ADAMTS18: variants seen among roughly 807,000 people sequenced by gnomAD.
ADAMTS18 encodes the protein ADAM metallopeptidase with thrombospondin type 1 motif 18.
In ADAMTS18, 157 loss-of-function variants were observed where a neutral mutation model predicts 165.9. The observed-to-expected ratio is 0.95, with a 90% CI of 0.83 to 1.08. ADAMTS18 has a LOEUF of 1.08. Among genes scored for constraint, ADAMTS18 ranks in the 50% least tolerant of loss-of-function variants. The pLI is 0.00. For synonymous variants in ADAMTS18, 782 were observed against 578.2 expected, an observed-to-expected ratio of 1.35 and a Z score of -5.06; for missense variants, 2,040 against 1,534.0, an observed-to-expected ratio of 1.33 and a Z score of -5.51.
Position 77,347,929 on chromosome 16 carries a change from C to A in ADAMTS18, c.1614+5804G>T, listed in dbSNP as rs1227282778. Among the ~76,000 whole-genome samples, 4 of 152,032 alleles carry A rather than the reference C, an allele frequency of 2.6e-5. No homozygotes were observed. The East Asian group carries it at 7.7e-4, about 29-fold the overall frequency. On this transcript the variant is annotated intron_variant, in intron 10 of 22. Transcript: ENST00000282849. ...CTTATCTAGAAAATGTTAATAATAG[C>A]ACATCCCCCAAAGATATGGAAGTAT...
At chr16:77,356,222 T>C (rs1366116893) in intron 8 of ADAMTS18, 145 bp from the exon 9 acceptor site, 7 of 1,013,158 alleles carry the variant, frequency 6.9e-6, no homozygotes, top group African/African-American at 6.5e-5. Flanking sequence ...AAAGGCAAAT[T>C]ACTATAGATT....
At chr16:77,303,448 C>T (rs2055623594) in intron 16 of ADAMTS18, among the ~76,000 whole-genome samples, 1 of 152,150 alleles carries the variant, frequency 6.6e-6, no homozygotes, top group Non-Finnish European at 1.5e-5. Flanking sequence ...GTTGTTTAGG[C>T]CAAAATAAAA....
At chr16:77,362,681 A>ACAAT (rs57471097) in intron 6 of ADAMTS18, among the ~76,000 whole-genome samples, 81,019 of 151,446 alleles carry the variant, frequency 0.53, 22,141 homozygotes, top group Non-Finnish European at 0.58. Flanking sequence ...ATCATAGATT[A>ACAAT]CAATCAATCA....
intron 19 of ADAMTS18, 79 bp downstream of exon 19, chr16:77,294,844 C>T (rs2055434864): frequency 2.2e-6 from 3 of 1,355,572 alleles, no homozygotes; most frequent in Non-Finnish European, 3.1e-6. Flanking sequence ...CTGCCAAGAG[C>T]CCAGTGGAGA....
At chr16:77,359,483 T>C (rs917338828) in intron 7 of ADAMTS18, 60 bp from the exon 8 acceptor site, 6 of 1,386,338 alleles carry the variant, frequency 4.3e-6, no homozygotes, top group African/African-American at 4.3e-5. Context: ...TACATGATGA[T>C]GATTTATGTC....
chr16:77,376,536 G>A (rs7196949), intron 3 of ADAMTS18, among the ~76,000 whole-genome samples: 37,299 of 151,910 alleles, frequency 0.25, 5,218 homozygotes, highest in East Asian at 0.57. Flanking sequence ...TCAAGCCGAG[G>A]GAAAGGACTG....
At chr16:77,367,762 T>G in intron 3 of ADAMTS18, 39 bp from the exon 4 acceptor site, 1 of 1,613,830 alleles carries the variant, frequency 6.2e-7, no homozygotes, top group Non-Finnish European at 8.5e-7. Flanking sequence ...CATGATTCCA[T>G]GCATCCCTGT....
intron 3 of ADAMTS18, among the ~76,000 whole-genome samples, chr16:77,381,290 C>T (rs2057026211): frequency 7.1e-6 from 1 of 141,544 alleles, no homozygotes; most frequent in Non-Finnish European, 1.5e-5. Context: ...AGGAAAGGTT[C>T]CAGAGAGGGT....
At chr16:77,352,597 A>C (rs1298950897) in intron 10 of ADAMTS18, among the ~76,000 whole-genome samples, 1 of 152,186 alleles carries the variant, frequency 6.6e-6, no homozygotes, top group Non-Finnish European at 1.5e-5. Context: ...CTCACTTAGC[A>C]ACTGCTGAAG....
chr16:77,309,111 G>A (rs542240136), intron 16 of ADAMTS18, among the ~76,000 whole-genome samples: 9 of 152,172 alleles, frequency 5.9e-5, no homozygotes, highest in African/African-American at 1.9e-4. Context: ...TGAAATACAT[G>A]GAAATTATTT....
intron 3 of ADAMTS18, among the ~76,000 whole-genome samples, chr16:77,411,986 C>A (rs1189718741): frequency 6.6e-6 from 1 of 152,008 alleles, no homozygotes; most frequent in Non-Finnish European, 1.5e-5. Context: ...CCGAGCCCAG[C>A]CAGTGCCCAA....
chr16:77,384,243 TA>T (rs1251047866), intron 3 of ADAMTS18, among the ~76,000 whole-genome samples: 1 of 152,224 alleles, frequency 6.6e-6, no homozygotes, highest in East Asian at 1.9e-4. Flanking sequence ...CTTCTGGAGC[TA>T]AACACATCCA....
rs1028860220 is a variant in ADAMTS18, at chr16:77,283,657, T to C, written c.*299A>G. On this transcript the variant is annotated 3_prime_UTR_variant, in exon 23 of 23. Transcript: ENST00000282849. ...GTTCAAAAGGGGGTCTCTCCCCAAA[T>C]CGACGTATCTCAGTGTGATTCACCA... 8.6e-6 allele frequency: 3 copies of C among 347,218 alleles called. No homozygotes were observed. The highest frequency in any genetic ancestry group is 1.1e-5 in the Non-Finnish European group (2 of 183,764). 21.5% of individuals were successfully genotyped at this position (347,218 alleles called of 1,614,324 possible).
chr16:77,367,443 T>A lies in ADAMTS18; in HGVS notation c.776A>T (p.Lys259Ile). Reference sequence around the variant, plus strand: ...AAAGAAAAAGTTTCCTTACATACATTTCTTGCGTCGTCCACAAAAATGCTG... The same window carrying A: ...AAAGAAAAAGTTTCCTTACATACATATCTTGCGTCGTCCACAAAAATGCTG... ...QKQHFCGRRK[K>I]YAPKPPTEDT... The change falls in exon 4 of 23, where the codon AAA becomes ATA. Residue 259 changes from lysine (K) to isoleucine (I), a missense_variant and splice_region_variant. Coordinates refer to ENST00000282849, the MANE Select transcript of ADAMTS18 (RefSeq NM_199355.4). 6.2e-7 allele frequency: 1 copy of A among 1,614,148 alleles called. No individual in the cohort carries two copies. The highest frequency in any genetic ancestry group is 8.5e-7 in the Non-Finnish European group (1 of 1,180,032).
chr16:77,295,635 G>T (rs967585049), intron 18 of ADAMTS18, among the ~76,000 whole-genome samples: 1 of 152,136 alleles, frequency 6.6e-6, no homozygotes, highest in African/African-American at 2.4e-5. Flanking sequence ...AAGAGAGGGA[G>T]GTTTGTGCAG....
At chr16:77,401,898 C>G (rs1360849901) in intron 3 of ADAMTS18, among the ~76,000 whole-genome samples, 1 of 152,206 alleles carries the variant, frequency 6.6e-6, no homozygotes, top group African/African-American at 2.4e-5. Context: ...TAGTTTAGGA[C>G]TTACATCAGC....
chr16:77,355,788 A>C, intron 9 of ADAMTS18, 152 bp downstream of exon 9: 1 of 963,726 alleles, frequency 1.0e-6, no homozygotes, highest in Non-Finnish European at 1.6e-6. Context: ...CAACAATGTC[A>C]TCATCACCAT....
intron 10 of ADAMTS18, among the ~76,000 whole-genome samples, chr16:77,344,403 A>G (rs1042160450): frequency 3.3e-5 from 5 of 151,922 alleles, no homozygotes; most frequent in African/African-American, 7.3e-5. Context: ...CTCCCAGCAA[A>G]CTGAATCACA....
At chr16:77,296,194 A>G (rs530437638) in intron 18 of ADAMTS18, among the ~76,000 whole-genome samples, 3 of 152,288 alleles carry the variant, frequency 2.0e-5, no homozygotes, top group African/African-American at 7.2e-5. Flanking sequence ...GCAGAAGATA[A>G]ATCACATGAA....
Sources: gnomAD v4.1 joint callset for allele counts (sites outside exome capture counted in the v4.1 genomes callset) on GRCh38, gnomAD v4.1.1 for gene constraint, MANE v1.5 for transcripts, NCBI Gene and HGNC (gene_info 2026-07-23, HGNC 2026-07-21) for gene names.